ITFG1: variants seen among roughly 807,000 people sequenced by gnomAD.
ITFG1 encodes integrin alpha FG-GAP repeat containing 1.
Under a neutral mutation model 81.8 loss-of-function variants are expected in ITFG1, and 34 were observed. The ratio of observed to expected loss-of-function variants is 0.42; its 90% confidence interval spans 0.32 to 0.55. The LOEUF is 0.55. Ranked by LOEUF, ITFG1 falls within the 20% of genes least tolerant of loss-of-function variation. ITFG1 has a pLI of 0.17. For missense variants in ITFG1, 672 were observed against 755.4 expected, an observed-to-expected ratio of 0.89 and a Z score of 1.29; for synonymous variants, 285 against 270.6, an observed-to-expected ratio of 1.05 and a Z score of -0.52.
chr16:47,196,336 T>C (rs1965357421), intron 14 of ITFG1: 1 of 152,156 alleles, frequency 6.6e-6, no homozygotes, highest in Admixed American at 6.5e-5. Flanking sequence ...CTGTTCTCTC[T>C]TCTCCTTCTG....
At chr16:47,370,732 C>T (rs947255577) in intron 7 of ITFG1, among the ~76,000 whole-genome samples, 2 of 152,176 alleles carry the variant, frequency 1.3e-5, no homozygotes, top group African/African-American at 4.8e-5. Flanking sequence ...GGCTTGCCCA[C>T]AGTGGGTGTG....
At chr16:47,203,007 C>G (rs1229073135) in intron 14 of ITFG1, among the ~76,000 whole-genome samples, 3 of 151,820 alleles carry the variant, frequency 2.0e-5, no homozygotes, top group African/African-American at 7.3e-5. Flanking sequence ...GGGTATATAC[C>G]CAAAAGAACT....
intron 10 of ITFG1, among the ~76,000 whole-genome samples, chr16:47,296,585 G>A (rs1337690554): frequency 1.3e-5 from 2 of 152,152 alleles, no homozygotes; most frequent in East Asian, 1.9e-4. Flanking sequence ...ACAGGTACAC[G>A]CCATCACGTC....
intron 14 of ITFG1, among the ~76,000 whole-genome samples, chr16:47,198,178 T>C (rs961253145): frequency 2.0e-5 from 3 of 152,206 alleles, no homozygotes; most frequent in Non-Finnish European, 4.4e-5. Context: ...TTGAAACAAT[T>C]ATAGGATGAG....
intron 16 of ITFG1, 123 bp downstream of exon 16, chr16:47,161,627 A>G: frequency 1.7e-6 from 1 of 590,092 alleles, no homozygotes; most frequent in Middle Eastern, 2.8e-4. Flanking sequence ...TGCCGTAAGC[A>G]AATTAAGGGA....
chr16:47,419,854 C>A (rs961344948), intron 6 of ITFG1, among the ~76,000 whole-genome samples: 1 of 151,976 alleles, frequency 6.6e-6, no homozygotes, highest in African/African-American at 2.4e-5. Flanking sequence ...CCGCCCACCC[C>A]GGCCTCCCAA....
Position 47,327,878 on chromosome 16 carries a change from C to G in ITFG1, c.803-14055G>C, listed in dbSNP as rs377134535. Among the ~76,000 whole-genome samples, 42 of 152,320 alleles carry G rather than the reference C, an allele frequency of 2.8e-4. No homozygotes were observed. In the South Asian group the frequency reaches 8.3e-3, roughly 30 times the overall value. On this transcript the variant is annotated intron_variant, in intron 8 of 17. Transcript: ENST00000320640. The stretch of plus-strand genomic sequence containing the variant: ...AGGAACACTTACACTGTTGGTGGGA[C>G]TGTAAACTAGTTCAACCATTGTGGA...
At chr16:47,168,964 T>A (rs1964926309) in intron 14 of ITFG1, among the ~76,000 whole-genome samples, 1 of 152,210 alleles carries the variant, frequency 6.6e-6, no homozygotes, top group South Asian at 2.1e-4. Flanking sequence ...TGTTCTAGTA[T>A]GATTTGTTGA....
intron 10 of ITFG1, among the ~76,000 whole-genome samples, chr16:47,268,301 C>T (rs557559906): frequency 1.5e-4 from 23 of 152,076 alleles, no homozygotes; most frequent in East Asian, 5.8e-4. Context: ...ATGAAATGGA[C>T]GAATTCCCTG....
chr16:47,213,959 AATTT>A (rs1965595645), intron 14 of ITFG1, among the ~76,000 whole-genome samples: 1 of 152,222 alleles, frequency 6.6e-6, no homozygotes, highest in African/African-American at 2.4e-5. Context: ...GGGAAATGCC[AATTT>A]ATAGACTCTC....
At chr16:47,409,683 C>T (rs1055138832) in intron 6 of ITFG1, among the ~76,000 whole-genome samples, 2 of 150,898 alleles carry the variant, frequency 1.3e-5, no homozygotes, top group African/African-American at 4.9e-5. Flanking sequence ...TCCCAAAGTT[C>T]TGGGATTACA....
At chr16:47,185,533 G>A (rs2151515436) in intron 14 of ITFG1, among the ~76,000 whole-genome samples, 1 of 152,172 alleles carries the variant, frequency 6.6e-6, no homozygotes, top group East Asian at 1.9e-4. Flanking sequence ...ATGAAATGAA[G>A]GCAGAAATAA....
chr16:47,224,701 G>A (rs77181880), intron 13 of ITFG1, among the ~76,000 whole-genome samples: 1,563 of 151,972 alleles, frequency 0.01, 8 homozygotes, highest in Non-Finnish European at 0.016. Flanking sequence ...CTCATACGTC[G>A]GGGAAAAAAA....
At chr16:47,365,662 A>G in intron 8 of ITFG1, 126 bp downstream of exon 8, 1 of 582,488 alleles carries the variant, frequency 1.7e-6, no homozygotes, top group South Asian at 2.7e-5. Flanking sequence ...GCATCTTTTG[A>G]AGCTATAATA....
At chr16:47,267,197 C>T (rs1966287105) in intron 10 of ITFG1, among the ~76,000 whole-genome samples, 3 of 152,070 alleles carry the variant, frequency 2.0e-5, no homozygotes, top group Non-Finnish European at 4.4e-5. Flanking sequence ...GTGATTATAT[C>T]TCAACAAAAC....
At chr16:47,181,700 G>C (rs1020851982) in intron 14 of ITFG1, among the ~76,000 whole-genome samples, 3 of 152,214 alleles carry the variant, frequency 2.0e-5, no homozygotes, top group Non-Finnish European at 4.4e-5. Context: ...AGCTCATTGA[G>C]AATGGGCCAT....
intron 10 of ITFG1, 114 bp downstream of exon 10, chr16:47,311,126 C>T (rs1967252429): frequency 3.1e-6 from 2 of 644,898 alleles, no homozygotes; most frequent in Admixed American, 3.7e-5. Flanking sequence ...TCACCATGTT[C>T]CTTATTTAAG....
At chr16:47,452,820 TAGC>T in intron 3 of ITFG1, 30 bp from the exon 4 acceptor site, 1 of 1,167,724 alleles carries the variant, frequency 8.6e-7, no homozygotes. Context: ...ATATATGAAT[TAGC>T]AGGCATTTTA....
At chr16:47,336,701 T>C (rs957601292) in intron 8 of ITFG1, among the ~76,000 whole-genome samples, 1 of 152,154 alleles carries the variant, frequency 6.6e-6, no homozygotes, top group African/African-American at 2.4e-5. Flanking sequence ...TGGTGGCTCA[T>C]GCCTGTAATC....
Sources: allele counts gnomAD v4.1 joint callset (sites outside exome capture counted in the v4.1 genomes callset), GRCh38; gene constraint gnomAD v4.1.1; transcripts MANE v1.5; gene names NCBI Gene and HGNC (gene_info 2026-07-23, HGNC 2026-07-21).